Variants in SLMAP observed in about 807,000 individuals in gnomAD.
SLMAP encodes sarcolemmal membrane-associated protein.
A neutral mutation model predicts 128.8 loss-of-function variants in SLMAP; 44 were observed. That is an observed-to-expected ratio of 0.34 (90% CI 0.27 to 0.44). The LOEUF is 0.44. Ranked by LOEUF, SLMAP falls within the 20% of genes least tolerant of loss-of-function variation. The pLI is 1.00. For missense variants in SLMAP, 787 were observed against 985.3 expected (o/e 0.80, Z 2.69); for synonymous variants, 327 against 348.8 (o/e 0.94, Z 0.70).
chr3:57,840,696 A>G (rs1004347988), intron 3 of SLMAP, among the ~76,000 whole-genome samples: 6 of 152,224 alleles, frequency 3.9e-5, no homozygotes, highest in Non-Finnish European at 7.3e-5. Context: ...AGAAACAACT[A>G]TCAAGAAAAC....
At chr3:57,859,312 G>C in intron 8 of SLMAP, among the ~76,000 whole-genome samples, 1 of 134,370 alleles carries the variant, frequency 7.4e-6, no homozygotes, top group Admixed American at 7.9e-5. Context: ...GACAGAGCGA[G>C]ACTGTCTCAA....
chr3:57,837,918 G>A (rs1444077231), intron 3 of SLMAP, among the ~76,000 whole-genome samples: 2 of 152,212 alleles, frequency 1.3e-5, no homozygotes, highest in Admixed American at 6.5e-5. Context: ...GGACTAAATT[G>A]TGAGCTTAGT....
In SLMAP at chr3:57,862,524, GC is replaced by G. The variant is rs2095126958; in HGVS notation, c.966+439del. On this transcript the variant is annotated intron_variant, in intron 10 of 24. Coordinates refer to ENST00000671191, the MANE Select transcript of SLMAP (RefSeq NM_001377540.1). Reference sequence around the variant, plus strand: ...GTGGTGACACATGCCTGTAGTCCCAGCTCCTTGGGAGTCTAAGGCAGAAGAA... The same window carrying G: ...GTGGTGACACATGCCTGTAGTCCCAGTCCTTGGGAGTCTAAGGCAGAAGAA... Among the ~76,000 whole-genome samples the G allele has an allele frequency of 2.6e-5, 4 of 151,206 alleles. No homozygotes were observed. In the South Asian group the frequency reaches 8.4e-4, roughly 32 times the overall value.
At chr3:57,848,258 C>T (rs1356932115) in intron 5 of SLMAP, among the ~76,000 whole-genome samples, 1 of 149,930 alleles carries the variant, frequency 6.7e-6, no homozygotes, top group Non-Finnish European at 1.5e-5. Context: ...TCTTCTCCTC[C>T]TCCTCCTCCT....
Position 57,912,604 on chromosome 3 carries a change from T to C in SLMAP, c.1923T>C (p.Ser641=), listed in dbSNP as rs373485907. 263 of 1,614,018 alleles carry C rather than the reference T, an allele frequency of 1.6e-4. 5 individuals carry two copies. The highest frequency in any genetic ancestry group is 1.6e-4 in the Non-Finnish European group (190 of 1,180,002). Residue 641 remains serine, a synonymous_variant, in exon 20 of 25, where the codon TCT becomes TCC. Coordinates refer to ENST00000671191, the MANE Select transcript of SLMAP (RefSeq NM_001377540.1). ...TTGAGCGGTGGCGGAAAGCAGCGTC[T>C]GAATATGAGAAAGAAATCACAAGTC... ...AELERWRKAA[S]EYEKEITSLQ...
intron 2 of SLMAP, among the ~76,000 whole-genome samples, chr3:57,778,344 A>C (rs188603962): frequency 3.1e-4 from 46 of 148,072 alleles, no homozygotes; most frequent in African/African-American, 1.1e-3. Flanking sequence ...TACCTCTCTT[A>C]TTCTCAATGT....
chr3:57,809,513 ACC>A (rs2153510017), intron 2 of SLMAP, among the ~76,000 whole-genome samples: 1 of 152,194 alleles, frequency 6.6e-6, no homozygotes, highest in African/African-American at 2.4e-5. Context: ...GCCTACAGGT[ACC>A]CCTTGGCACC....
intron 2 of SLMAP, among the ~76,000 whole-genome samples, chr3:57,823,472 T>C (rs1186091375): frequency 1.3e-5 from 2 of 151,968 alleles, no homozygotes; most frequent in East Asian, 3.8e-4. Flanking sequence ...ATGTGGTGTT[T>C]GGTTTTTTGT....
intron 5 of SLMAP, among the ~76,000 whole-genome samples, chr3:57,847,449 A>C (rs1371947557): frequency 6.6e-6 from 1 of 152,200 alleles, no homozygotes; most frequent in Non-Finnish European, 1.5e-5. Flanking sequence ...ATCTCAGTTA[A>C]ATTATTCACT....
At chr3:57,803,864 G>C (rs1560045003) in intron 2 of SLMAP, among the ~76,000 whole-genome samples, 1 of 152,170 alleles carries the variant, frequency 6.6e-6, no homozygotes. Context: ...CCCACTCCAA[G>C]AAAATGCAAT....
At chr3:57,784,823 G>T (rs1158042108) in intron 2 of SLMAP, among the ~76,000 whole-genome samples, 1 of 152,092 alleles carries the variant, frequency 6.6e-6, no homozygotes, top group African/African-American at 2.4e-5. Context: ...TGATTATTAG[G>T]TCATGGATTA....
intron 14 of SLMAP, 162 bp from the exon 15 acceptor site, chr3:57,889,879 A>G (rs1351868196): frequency 1.9e-6 from 1 of 526,100 alleles, no homozygotes; most frequent in Non-Finnish European, 3.5e-6. Flanking sequence ...TCATAGTTCC[A>G]GTTCTCTTAG....
intron 15 of SLMAP, among the ~76,000 whole-genome samples, chr3:57,895,680 G>A (rs552933659): frequency 6.6e-6 from 1 of 152,000 alleles, no homozygotes; most frequent in East Asian, 1.9e-4. Flanking sequence ...AGTGGCTCAT[G>A]CCTGTAATTC....
chr3:57,760,412 C>T (rs1046596537), intron 2 of SLMAP, among the ~76,000 whole-genome samples: 7 of 152,088 alleles, frequency 4.6e-5, no homozygotes, highest in East Asian at 1.9e-4. Flanking sequence ...CTAGTTATAG[C>T]GGATGCTCTG....
At chr3:57,914,817 G>A (rs2096776883) in intron 21 of SLMAP, among the ~76,000 whole-genome samples, 1 of 151,806 alleles carries the variant, frequency 6.6e-6, no homozygotes, top group Non-Finnish European at 1.5e-5. Context: ...CCTGACCTCA[G>A]GTGATCTGCC....
chr3:57,806,018 GGTTTTTTTTTTGTTTGTTTT>G (rs1009353668), intron 2 of SLMAP, among the ~76,000 whole-genome samples: 2 of 151,300 alleles, frequency 1.3e-5, no homozygotes, highest in Non-Finnish European at 2.9e-5. Flanking sequence ...GGTAAAACAG[GGTTTTTTTTTTGTTTGTTTT>G]GTTTTTTTTT....
At chr3:57,905,351 G>A (rs977713541) in intron 17 of SLMAP, among the ~76,000 whole-genome samples, 2 of 151,818 alleles carry the variant, frequency 1.3e-5, no homozygotes, top group African/African-American at 2.4e-5. Flanking sequence ...GCATGATCTC[G>A]GCTCACTGCA....
At chr3:57,909,038 C>A in intron 18 of SLMAP, 38 bp from the exon 19 acceptor site, 1 of 1,417,908 alleles carries the variant, frequency 7.1e-7, no homozygotes, top group Non-Finnish European at 9.8e-7. Context: ...TTCATTAATT[C>A]ACAAAACTAT....
intron 3 of SLMAP, among the ~76,000 whole-genome samples, chr3:57,838,350 G>C (rs1281110165): frequency 6.6e-6 from 1 of 152,146 alleles, no homozygotes; most frequent in African/African-American, 2.4e-5. Flanking sequence ...AGAAAGCTAG[G>C]TGGTTCCTAC....
Sources: gnomAD v4.1 joint callset for allele counts (sites outside exome capture counted in the v4.1 genomes callset) on GRCh38, gnomAD v4.1.1 for gene constraint, MANE v1.5 for transcripts, NCBI Gene and HGNC (gene_info 2026-07-23, HGNC 2026-07-21) for gene names.